Variants in HECTD4 observed in about 807,000 individuals in gnomAD.
HECTD4 encodes probable E3 ubiquitin-protein ligase HECTD4.
HECTD4 carries 114 observed loss-of-function variants against 471.5 expected under a neutral mutation model. The observed-to-expected ratio is 0.24, with a 90% confidence interval of 0.21 to 0.28. HECTD4 has a LOEUF of 0.28. Ranked by LOEUF, HECTD4 falls within the 10% of genes least tolerant of loss-of-function variation. The pLI is 1.00. For synonymous variants in HECTD4, 2,012 were observed against 2,256.0 expected, an observed-to-expected ratio of 0.89 and a Z score of 3.07; for missense variants, 3,866 against 5,651.5, an observed-to-expected ratio of 0.68 and a Z score of 10.13.
chr12:112,332,673 A>G (rs1272430061), intron 1 of HECTD4, among the ~76,000 whole-genome samples: 2 of 152,060 alleles, frequency 1.3e-5, no homozygotes, highest in African/African-American at 4.8e-5. Context: ...TATAAAAAAT[A>G]ATATAATCTT....
At position 112,381,885 on chromosome 12, in the gene HECTD4, G is replaced by T; in HGVS notation, c.177+67C>A. On this transcript the variant is annotated intron_variant, in intron 1 of 75. Coordinates refer to ENST00000682272, the MANE Select transcript of HECTD4 (RefSeq NM_001388303.1). This position sits in a 1 kb window ranked among gnomAD's most constrained non-coding sequence, Gnocchi z 4.1. ...AGGCCGCGGCTGAGGCGAGGAGGGG[G>T]CCCGACCCGGGGGTGCCGGGCGAGT... is the stretch of plus-strand genomic sequence containing the variant. The T allele has an allele frequency of 8.9e-7, 1 of 1,122,326 alleles. No homozygotes were observed. Among genetic ancestry groups the T allele is most frequent in the Non-Finnish European group, 1.1e-6 (1 of 892,306 alleles). The allele number at this position is 1,122,326 out of a possible 1,614,324, so 69.5% of individuals were successfully genotyped here.
intron 18 of HECTD4, among the ~76,000 whole-genome samples, chr12:112,260,443 A>G (rs2034117796): frequency 6.6e-6 from 1 of 152,206 alleles, no homozygotes; most frequent in Admixed American, 6.5e-5. Flanking sequence ...AGTGGGTAAG[A>G]ACCAAGTCCA....
Position 112,200,849 on chromosome 12 carries a change from A to ATGTGTGCGTGCGTGCG in HECTD4, c.8407-67_8407-52dup, listed in dbSNP as rs2032401564. The ATGTGTGCGTGCGTGCG allele has an allele frequency of 1.9e-6, 3 of 1,560,626 alleles. No individual in the cohort carries two copies. The Admixed American group carries it at 5.2e-5, about 27-fold the overall frequency. ...TTTGTGCTGTTTGCTTTTGTTTTCC[A>ATGTGTGCGTGCGTGCG]TGTGTGCGTGCGTGCGTGTGTGTGT... On this transcript the variant is annotated intron_variant, in intron 54 of 75. Coordinates refer to ENST00000682272, the MANE Select transcript of HECTD4 (RefSeq NM_001388303.1).
At chr12:112,242,592 T>G in intron 32 of HECTD4, among the ~76,000 whole-genome samples, 1 of 145,500 alleles carries the variant, frequency 6.9e-6, no homozygotes. Context: ...CCAGCCTGGG[T>G]GACAGAACGA....
At chr12:112,229,663 G>C (rs751317708) in intron 41 of HECTD4, 35 bp downstream of exon 41, 1 of 1,573,270 alleles carries the variant, frequency 6.4e-7, no homozygotes, top group Non-Finnish European at 8.7e-7. Flanking sequence ...TATATATGGG[G>C]GAAGCAATGA....
intron 35 of HECTD4, 31 bp downstream of exon 35, chr12:112,236,914 C>T (rs73207624): frequency 0.031 from 46,116 of 1,503,788 alleles, 815 homozygotes; most frequent in Non-Finnish European, 0.037. Flanking sequence ...AAGCCAGCTT[C>T]TCCCAGAGCT....
In HECTD4 at chr12:112,219,415, G is replaced by A. The variant is rs998930478; in HGVS notation, c.7045C>T (p.Pro2349Ser). 1.2e-6 allele frequency: 2 copies of A among 1,613,642 alleles called. No individual in the cohort carries two copies. The highest frequency in any genetic ancestry group is 1.3e-5 in the African/African-American group (1 of 74,938). ...CTTCGGTCAGCCTGCAAAGGAGGTGGTGGGGGCCGAGCACAGTCCCGGTAG... is the reference window on the plus strand; with the variant it reads ...CTTCGGTCAGCCTGCAAAGGAGGTGATGGGGGCCGAGCACAGTCCCGGTAG... ...MLYRDCARPP[P>S]PPLQADRRQP... Residue 2349 changes from proline (P) to serine (S), a missense_variant, in exon 45 of 76, where the codon CCA becomes TCA. Physicochemically the swap from Pro to Ser is moderately conservative, Grantham distance 74. Coordinates refer to ENST00000682272, the MANE Select transcript of HECTD4 (RefSeq NM_001388303.1).
At chr12:112,183,311 G>T in intron 61 of HECTD4, 45 bp from the exon 62 acceptor site, 1 of 1,448,226 alleles carries the variant, frequency 6.9e-7, no homozygotes, top group Non-Finnish European at 9.6e-7. Context: ...AGCTTGACCA[G>T]TCATTCAGTG....
intron 1 of HECTD4, among the ~76,000 whole-genome samples, chr12:112,335,794 A>C (rs1019730952): frequency 2.0e-5 from 3 of 152,182 alleles, no homozygotes; most frequent in African/African-American, 7.2e-5. Context: ...ACCAAGCACA[A>C]CCTGTTCCCC....
chr12:112,309,340 C>T (rs137960996), intron 5 of HECTD4, among the ~76,000 whole-genome samples: 1 of 152,250 alleles, frequency 6.6e-6, no homozygotes, highest in African/African-American at 2.4e-5. Flanking sequence ...CTTGGGGCTA[C>T]CAAACTCTTC....
chr12:112,228,899 G>T lies in HECTD4; in HGVS notation c.6520-88C>A. ...GACAAGAGGAAAAAGTAAATTTATA[G>T]TTGTCATTGTTGGCGTTACAGTAAT... On this transcript the variant is annotated intron_variant, in intron 41 of 75. Transcript: ENST00000682272. The surrounding 1 kb of genome is among the most constrained non-coding windows in gnomAD (Gnocchi z 4.9). 8.0e-7 allele frequency: 1 copy of T among 1,250,634 alleles called. No individual in the cohort carries two copies. The highest frequency in any genetic ancestry group is 1.1e-6 in the Non-Finnish European group (1 of 873,316). The allele number at this position is 1,250,634 out of a possible 1,614,324, so 77.5% of individuals were successfully genotyped here.
Position 112,264,211 on chromosome 12 carries a change from G to T in HECTD4, c.2621C>A (p.Ala874Asp). 1 of 1,590,124 alleles carries T rather than the reference G, an allele frequency of 6.3e-7. No homozygotes were observed. Among genetic ancestry groups the T allele is most frequent in the Non-Finnish European group, 8.6e-7 (1 of 1,167,636 alleles). ...DFQKLLSTVP[A>D]ASSCLRYLMA... ...CAGATAGCGCAGGCAGGAGGATGCAGCCTTTAATACAAATAAGGGCATTTA... is the reference window on the plus strand; with the variant it reads ...CAGATAGCGCAGGCAGGAGGATGCATCCTTTAATACAAATAAGGGCATTTA... Residue 874 changes from alanine to aspartate, a missense_variant and splice_region_variant, in exon 17 of 76, where the codon GCT (alanine) becomes GAT (aspartate). Ala to Asp is a moderately radical substitution (Grantham distance 126). This residue lies in a region of HECTD4 where 525 missense variants were observed against 672.6 expected (regional missense o/e 0.78). Transcript: ENST00000682272.
intron 40 of HECTD4, 151 bp downstream of exon 40, chr12:112,230,536 C>G (rs1242453001): frequency 4.3e-6 from 4 of 924,418 alleles, no homozygotes; most frequent in Non-Finnish European, 6.3e-6. Context: ...GAAAGTACTA[C>G]AGTAAAGCAA....
intron 62 of HECTD4, among the ~76,000 whole-genome samples, chr12:112,181,755 C>T (rs1039282330): frequency 2.0e-5 from 3 of 152,170 alleles, no homozygotes; most frequent in Admixed American, 1.3e-4. Context: ...CCACCGTGCC[C>T]GGCCTGGGGT....
chr12:112,302,457 T>G, intron 7 of HECTD4: 1 of 752,032 alleles, frequency 1.3e-6, no homozygotes. Context: ...TTCAGCTGCT[T>G]ATAGAGGATG....
chr12:112,303,080 C>T (rs2035197802), intron 7 of HECTD4, among the ~76,000 whole-genome samples: 1 of 151,340 alleles, frequency 6.6e-6, no homozygotes, highest in African/African-American at 2.4e-5. Flanking sequence ...GGTGATTCAC[C>T]AGGGAGGCAA....
chr12:112,306,220 C>A lies in HECTD4; in HGVS notation c.1179G>T (p.Val393=). ...TGGGGAGGTGATTGGCTGGCATTGG[C>A]ACCACCTGGCACACCTGGGCATGAA... ...DQNTLQVCQV[V]PMPANHLPIG... The change falls in exon 7 of 76, where the codon GTG becomes GTT. Residue 393 remains valine, a synonymous_variant. Coordinates refer to ENST00000682272, the MANE Select transcript of HECTD4 (RefSeq NM_001388303.1). The A allele has an allele frequency of 6.4e-7, 1 of 1,563,546 alleles. No homozygotes were observed. Among genetic ancestry groups the A allele is most frequent in the Non-Finnish European group, 8.6e-7 (1 of 1,158,894 alleles).
At chr12:112,212,697 A>G in intron 48 of HECTD4, 47 bp from the exon 49 acceptor site, 1 of 1,527,352 alleles carries the variant, frequency 6.5e-7, no homozygotes, top group Non-Finnish European at 8.8e-7. Flanking sequence ...CCTTTTATTA[A>G]GTAAATTTTA....
intron 7 of HECTD4, among the ~76,000 whole-genome samples, chr12:112,292,983 T>C (rs1482638812): frequency 8.6e-5 from 13 of 150,968 alleles, no homozygotes; most frequent in Non-Finnish European, 1.8e-4. Context: ...GATCACACCA[T>C]TGCACTCCAG....
Sources: allele counts gnomAD v4.1 joint callset (sites outside exome capture counted in the v4.1 genomes callset), GRCh38; gene constraint gnomAD v4.1.1; regional missense constraint gnomAD v4.1.1; non-coding constraint Gnocchi (gnomAD v3.1); transcripts MANE v1.5; gene names NCBI Gene and HGNC (gene_info 2026-07-23, HGNC 2026-07-21).